Variants in CDH13 observed in about 807,000 individuals in gnomAD.
The protein encoded by CDH13 is cadherin 13, also known as cadherin-13.
CDH13 carries 24 observed loss-of-function variants against 63.8 expected under a neutral mutation model. The ratio of observed to expected loss-of-function variants is 0.38; its 90% CI spans 0.27 to 0.53. CDH13 has a LOEUF of 0.53. CDH13 is among the 20% of genes least tolerant of loss of function. The pLI is 0.85. For missense variants in CDH13, 1,049 were observed against 903.1 expected, an observed-to-expected ratio of 1.16 and a Z score of -2.07; for synonymous variants, 503 against 355.3, an observed-to-expected ratio of 1.42 and a Z score of -4.67.
chr16:83,327,221 T>G (rs1053932484), intron 5 of CDH13, among the ~76,000 whole-genome samples: 2 of 152,246 alleles, frequency 1.3e-5, no homozygotes, highest in Non-Finnish European at 2.9e-5. Flanking sequence ...AATCATATAC[T>G]ATCAGTCACT....
chr16:83,437,925 T>G (rs1053728086), intron 6 of CDH13, among the ~76,000 whole-genome samples: 1 of 152,128 alleles, frequency 6.6e-6, no homozygotes, highest in Non-Finnish European at 1.5e-5. Flanking sequence ...CTCTTCCTTC[T>G]GCTTCCTCAA....
chr16:83,444,627 C>T (rs968128091), intron 6 of CDH13, among the ~76,000 whole-genome samples: 2 of 152,120 alleles, frequency 1.3e-5, no homozygotes, highest in Non-Finnish European at 2.9e-5. Context: ...TTTTCAGGGC[C>T]ATCATTGCTC....
intron 7 of CDH13, among the ~76,000 whole-genome samples, chr16:83,537,521 A>G (rs1043409336): frequency 5.3e-5 from 8 of 152,146 alleles, no homozygotes; most frequent in African/African-American, 9.7e-5. Flanking sequence ...GGAGATAGGA[A>G]GAAAAGGAAA....
chr16:83,467,137 G>GA (rs1370218090), intron 6 of CDH13, among the ~76,000 whole-genome samples: 1 of 152,094 alleles, frequency 6.6e-6, no homozygotes, highest in Admixed American at 6.6e-5. Flanking sequence ...TGACATTCCA[G>GA]AAAAACACTC....
chr16:83,003,859 C>T (rs930042425), intron 2 of CDH13, among the ~76,000 whole-genome samples: 1 of 152,180 alleles, frequency 6.6e-6, no homozygotes, highest in Admixed American at 6.5e-5. Context: ...TAAATAAGAG[C>T]TTACATATCT....
chr16:83,392,756 G>C (rs1408064364), intron 6 of CDH13, among the ~76,000 whole-genome samples: 5 of 152,132 alleles, frequency 3.3e-5, no homozygotes, highest in African/African-American at 1.2e-4. Flanking sequence ...CAGTGTCAGA[G>C]CTTCTGTAAT....
chr16:83,210,841 G>C (rs991970109), intron 4 of CDH13, among the ~76,000 whole-genome samples: 3 of 149,858 alleles, frequency 2.0e-5, no homozygotes, highest in Non-Finnish European at 4.4e-5. Flanking sequence ...TTGGATTTTG[G>C]ATTAAAAAAA....
intron 7 of CDH13, among the ~76,000 whole-genome samples, chr16:83,553,790 C>T (rs1338409104): frequency 6.6e-6 from 1 of 152,248 alleles, no homozygotes; most frequent in Non-Finnish European, 1.5e-5. Flanking sequence ...CTCCTGACCT[C>T]AGGTGATCCA....
intron 2 of CDH13, among the ~76,000 whole-genome samples, chr16:82,880,075 T>C (rs760420168): frequency 6.1e-4 from 92 of 150,630 alleles, no homozygotes; most frequent in Non-Finnish European, 4.7e-4. Context: ...ATGTAATCAG[T>C]ATGTATATAT....
intron 7 of CDH13, among the ~76,000 whole-genome samples, chr16:83,598,439 A>G (rs1476569438): frequency 6.6e-6 from 1 of 152,172 alleles, no homozygotes; most frequent in East Asian, 1.9e-4. Flanking sequence ...GTTTAAGGGA[A>G]AGTATTAAAA....
intron 6 of CDH13, among the ~76,000 whole-genome samples, chr16:83,450,898 T>G (rs1238536044): frequency 6.6e-6 from 1 of 151,516 alleles, no homozygotes; most frequent in East Asian, 1.9e-4. Context: ...ATAAAGAGAG[T>G]TCATGATGTA....
intron 2 of CDH13, among the ~76,000 whole-genome samples, chr16:82,915,743 G>A (rs955449250): frequency 2.0e-5 from 3 of 151,676 alleles, no homozygotes; most frequent in African/African-American, 7.3e-5. Context: ...ACAGCTCCTT[G>A]TAAAGCTGAT....
intron 1 of CDH13, among the ~76,000 whole-genome samples, chr16:82,706,036 T>TTCCC (rs1355366241): frequency 6.6e-6 from 1 of 152,070 alleles, no homozygotes; most frequent in African/African-American, 2.4e-5. Context: ...TTATTCTGTC[T>TTCCC]TCCCTCCCTT....
intron 7 of CDH13, among the ~76,000 whole-genome samples, chr16:83,595,518 A>C (rs1238467779): frequency 2.0e-5 from 3 of 152,230 alleles, no homozygotes; most frequent in African/African-American, 4.8e-5. Context: ...AGTCATAAGC[A>C]GCCCTTAAAC....
intron 2 of CDH13, among the ~76,000 whole-genome samples, chr16:82,920,658 G>T (rs916674738): frequency 1.3e-5 from 2 of 152,126 alleles, no homozygotes; most frequent in African/African-American, 4.8e-5. Flanking sequence ...AGACTATCAG[G>T]GGTATTAGGA....
chr16:82,750,947 C>T (rs1022829022), intron 1 of CDH13, among the ~76,000 whole-genome samples: 2 of 152,136 alleles, frequency 1.3e-5, no homozygotes, highest in African/African-American at 4.8e-5. Flanking sequence ...ATCTTCAAAC[C>T]ACAACAGTGA....
intron 6 of CDH13, among the ~76,000 whole-genome samples, chr16:83,378,556 T>C (rs370355790): frequency 6.6e-6 from 1 of 152,200 alleles, no homozygotes; most frequent in Non-Finnish European, 1.5e-5. Context: ...TGTGAGTCTG[T>C]GTACATGGCC....
intron 3 of CDH13, among the ~76,000 whole-genome samples, chr16:83,043,415 G>C (rs912662373): frequency 1.3e-5 from 2 of 151,364 alleles, no homozygotes; most frequent in Non-Finnish European, 2.9e-5. Context: ...GTCATTTAAA[G>C]TTTTCTTATA....
intron 6 of CDH13, among the ~76,000 whole-genome samples, chr16:83,414,077 A>G (rs967531543): frequency 1.3e-5 from 2 of 152,158 alleles, no homozygotes; most frequent in African/African-American, 4.8e-5. Flanking sequence ...TTACTTCCCT[A>G]ACAAGTACCT....
Sources: allele counts gnomAD v4.1 joint callset (sites outside exome capture counted in the v4.1 genomes callset), GRCh38; gene constraint gnomAD v4.1.1; transcripts MANE v1.5; gene names NCBI Gene and HGNC (gene_info 2026-07-23, HGNC 2026-07-21).